The following MTMR7 variants were observed in gnomAD, a reference collection of about 807,000 sequenced individuals.
MTMR7 encodes the protein phosphatidylinositol-3-phosphate phosphatase MTMR7.
MTMR7 carries 76 observed loss-of-function variants against 81.2 expected under a neutral mutation model. The ratio of observed to expected loss-of-function variants is 0.94; its 90% CI spans 0.78 to 1.13. The LOEUF is 1.13. Ranked by LOEUF, MTMR7 falls within the 50% of genes most tolerant of loss-of-function variation. The probability of loss-of-function intolerance (pLI) is 0.00; values close to 1 mark genes in which losing one functional copy is unlikely to be tolerated. For missense variants in MTMR7, 1,044 were observed against 820.0 expected (o/e 1.27, Z -3.34); for synonymous variants, 372 against 289.8 (o/e 1.28, Z -2.88).
At chr8:17,338,986 C>T (rs911062181) in intron 6 of MTMR7, 5 of 152,130 alleles carry the variant, frequency 3.3e-5, no homozygotes, top group Non-Finnish European at 7.4e-5. Flanking sequence ...GGGCACTGAT[C>T]TCACTCTAGG....
chr8:17,360,035 T>C (rs994099553), intron 4 of MTMR7, among the ~76,000 whole-genome samples: 3 of 152,176 alleles, frequency 2.0e-5, no homozygotes, highest in African/African-American at 4.8e-5. Flanking sequence ...GTAATGACGA[T>C]CTAAATGTCT....
intron 1 of MTMR7, among the ~76,000 whole-genome samples, chr8:17,397,273 G>A (rs1821289582): frequency 2.6e-5 from 4 of 151,998 alleles, no homozygotes; most frequent in African/African-American, 9.7e-5. Flanking sequence ...GGTCCCTTGG[G>A]GTCCCTGATT....
intron 7 of MTMR7, among the ~76,000 whole-genome samples, chr8:17,316,793 G>C (rs1818105142): frequency 6.6e-6 from 1 of 152,146 alleles, no homozygotes; most frequent in South Asian, 2.1e-4. Flanking sequence ...GATGTGCATA[G>C]GCTATATGCA....
At chr8:17,386,754 T>C (rs1820955479) in intron 1 of MTMR7, among the ~76,000 whole-genome samples, 1 of 152,144 alleles carries the variant, frequency 6.6e-6, no homozygotes, top group Non-Finnish European at 1.5e-5. Flanking sequence ...TCTCACTTGG[T>C]CACACGCTTA....
At chr8:17,385,186 G>A (rs777320437) in intron 1 of MTMR7, among the ~76,000 whole-genome samples, 3 of 152,200 alleles carry the variant, frequency 2.0e-5, no homozygotes, top group African/African-American at 4.8e-5. Context: ...CAAATTTCAC[G>A]TCAAATTGTA....
chr8:17,299,736 A>G lies in MTMR7; in HGVS notation c.*126T>C. Reference sequence around the variant, plus strand: ...GAACTGGGCACTTTTTTCCCTTTTCATAGCTGCATTAAAGTAGTTCTCAAT... The same window carrying G: ...GAACTGGGCACTTTTTTCCCTTTTCGTAGCTGCATTAAAGTAGTTCTCAAT... On this transcript the variant is annotated 3_prime_UTR_variant, in exon 14 of 14. Coordinates refer to ENST00000180173, the MANE Select transcript of MTMR7 (RefSeq NM_004686.5). The G allele has an allele frequency of 1.5e-6, 2 of 1,362,594 alleles. No homozygotes were observed. Among genetic ancestry groups the G allele is most frequent in the Non-Finnish European group, 2.0e-6 (2 of 1,001,046 alleles). 84.4% of individuals were successfully genotyped at this position (1,362,594 alleles called of 1,614,324 possible).
chr8:17,303,635 G>A (rs1473067552), intron 12 of MTMR7, among the ~76,000 whole-genome samples: 3 of 145,744 alleles, frequency 2.1e-5, no homozygotes, highest in South Asian at 4.3e-4. Flanking sequence ...TTGAGATGGA[G>A]TTTTGCTCTT....
At chr8:17,309,177 ACT>A in intron 10 of MTMR7, 98 bp downstream of exon 10, 4 of 800,422 alleles carry the variant, frequency 5.0e-6, no homozygotes, top group Non-Finnish European at 8.3e-6. Context: ...AGAGACACAA[ACT>A]CAAAAAACAA....
intron 1 of MTMR7, among the ~76,000 whole-genome samples, chr8:17,377,510 T>C (rs973145191): frequency 5.9e-5 from 9 of 152,140 alleles, no homozygotes; most frequent in African/African-American, 2.2e-4. Flanking sequence ...TTTATTTTTC[T>C]TTTCTACTTT....
intron 5 of MTMR7, among the ~76,000 whole-genome samples, chr8:17,346,767 C>T (rs1296224606): frequency 2.7e-5 from 4 of 149,442 alleles, no homozygotes; most frequent in African/African-American, 9.9e-5. Context: ...CTCCTGGATT[C>T]ATCTTCTCTC....
chr8:17,393,346 A>T (rs1821157940), intron 1 of MTMR7, among the ~76,000 whole-genome samples: 1 of 152,212 alleles, frequency 6.6e-6, no homozygotes, highest in Admixed American at 6.5e-5. Flanking sequence ...TAGATATGGC[A>T]CCTAAAGTAT....
At chr8:17,385,268 G>T (rs1436482046) in intron 1 of MTMR7, among the ~76,000 whole-genome samples, 1 of 151,984 alleles carries the variant, frequency 6.6e-6, no homozygotes, top group Non-Finnish European at 1.5e-5. Context: ...GAATGGCTCG[G>T]CACCATCCCT....
chr8:17,336,907 A>C (rs545134652), intron 6 of MTMR7, among the ~76,000 whole-genome samples: 2 of 152,338 alleles, frequency 1.3e-5, no homozygotes, highest in African/African-American at 4.8e-5. Flanking sequence ...GGTCAAACGG[A>C]GCGAGTGTGG....
At chr8:17,409,762 C>A (rs1821689209) in intron 1 of MTMR7, among the ~76,000 whole-genome samples, 1 of 152,124 alleles carries the variant, frequency 6.6e-6, no homozygotes, top group Admixed American at 6.6e-5. Context: ...GGGAGTTGGA[C>A]AACAGCCTGA....
intron 9 of MTMR7, among the ~76,000 whole-genome samples, chr8:17,310,539 C>A (rs183671164): frequency 2.6e-5 from 4 of 152,250 alleles, no homozygotes; most frequent in Admixed American, 2.0e-4. Context: ...CTGGCAACCT[C>A]TTTACTCTCC....
intron 9 of MTMR7, among the ~76,000 whole-genome samples, chr8:17,310,451 G>C (rs1185778615): frequency 1.3e-5 from 2 of 152,170 alleles, no homozygotes; most frequent in Non-Finnish European, 2.9e-5. Flanking sequence ...TGGGTTGTAA[G>C]TTTAATGGGG....
At chr8:17,404,804 G>C (rs1182917322) in intron 1 of MTMR7, among the ~76,000 whole-genome samples, 1 of 151,998 alleles carries the variant, frequency 6.6e-6, no homozygotes, top group Non-Finnish European at 1.5e-5. Flanking sequence ...TTGGTGGTTG[G>C]TTTTGTTTTG....
chr8:17,385,932 T>C (rs1227905670), intron 1 of MTMR7, among the ~76,000 whole-genome samples: 1 of 152,200 alleles, frequency 6.6e-6, no homozygotes, highest in Admixed American at 6.5e-5. Context: ...AATGGCCTAA[T>C]AGTCAATACA....
At chr8:17,336,638 C>G (rs1258739787) in intron 6 of MTMR7, among the ~76,000 whole-genome samples, 2 of 152,196 alleles carry the variant, frequency 1.3e-5, no homozygotes, top group Non-Finnish European at 2.9e-5. Context: ...CTGGTGAAAT[C>G]ACGGGGCAGA....
Sources: allele counts gnomAD v4.1 joint callset (sites outside exome capture counted in the v4.1 genomes callset), GRCh38; gene constraint gnomAD v4.1.1; transcripts MANE v1.5; gene names NCBI Gene and HGNC (gene_info 2026-07-23, HGNC 2026-07-21).